The following DNMT3B variants were observed in gnomAD, a reference collection of about 807,000 sequenced individuals.
DNMT3B encodes DNA (cytosine-5)-methyltransferase 3B.
Under a neutral mutation model 120.2 loss-of-function variants are expected in DNMT3B, and 37 were observed. The observed-to-expected ratio is 0.31, with a 90% confidence interval of 0.24 to 0.40. DNMT3B has a LOEUF of 0.40. DNMT3B is among the 10% of genes least tolerant of loss of function. The pLI, the probability that DNMT3B is intolerant of heterozygous loss-of-function variation, is 1.00. For synonymous variants in DNMT3B, 412 were observed against 442.8 expected (o/e 0.93, Z 0.87); for missense variants, 878 against 1,137.3 (o/e 0.77, Z 3.28).
At chr20:32,800,044 G>A in intron 16 of DNMT3B, 109 bp from the exon 17 acceptor site, 3 of 1,493,200 alleles carry the variant, frequency 2.0e-6, no homozygotes, top group Non-Finnish European at 2.8e-6. Context: ...TTGAACGCAT[G>A]TGATACAGTC....
intron 16 of DNMT3B, 35 bp downstream of exon 16, chr20:32,799,363 G>A (rs772920666): frequency 1.6e-5 from 25 of 1,599,126 alleles, no homozygotes; most frequent in Middle Eastern, 1.6e-4. Flanking sequence ...CACTGCTATC[G>A]TGTCACAACA....
chr20:32,776,183 C>G (rs1251220498), intron 1 of DNMT3B, among the ~76,000 whole-genome samples: 1 of 151,280 alleles, frequency 6.6e-6, no homozygotes. Flanking sequence ...GAGCCGAGAT[C>G]GCGCCACTGC....
chr20:32,800,193 G>A lies in DNMT3B; in HGVS notation c.1800G>A (p.Lys600=), dbSNP rs780900853. The change falls in exon 17 of 23, where the codon AAG becomes AAA. Residue 600 remains lysine, a synonymous_variant. Transcript: ENST00000328111. Reference sequence around the variant, plus strand: ...AAGAGTTGGGCATAAAGGTAGGAAAGTACGTCGCTTCTGAAGTGTGTGAGG... The same window carrying A: ...AAGAGTTGGGCATAAAGGTAGGAAAATACGTCGCTTCTGAAGTGTGTGAGG... ...VLKELGIKVG[K]YVASEVCEES... 2.5e-6 allele frequency: 4 copies of A among 1,614,134 alleles called. No homozygotes were observed. Among genetic ancestry groups the A allele is most frequent in the Admixed American group, 1.7e-5 (1 of 60,004 alleles).
intron 4 of DNMT3B, 104 bp downstream of exon 4, chr20:32,784,963 G>C (rs1228352345): frequency 9.2e-7 from 1 of 1,088,658 alleles, no homozygotes; most frequent in Non-Finnish European, 1.4e-6. Context: ...GCTTTTAAGA[G>C]AAAGTGATGA....
rs1181946345 is a variant in DNMT3B at position 32,793,521 on chromosome 20, T to C, written c.1067-15T>C. ...GTAATGTTTTTTCTGTTTTGTTTTG[T>C]TTTCCCCTCAAAAGTGGTTAATAAG... On this transcript the variant is annotated splice_polypyrimidine_tract_variant and intron_variant, in intron 9 of 22. Transcript: ENST00000328111. 4 of 1,613,762 alleles carry C rather than the reference T, an allele frequency of 2.5e-6. No homozygotes were observed. In the Admixed American group the frequency reaches 6.7e-5, roughly 27 times the overall value.
rs1982227805 is a variant in DNMT3B, at chr20:32,808,804, C to T, written c.*901C>T. Reference sequence around the variant, plus strand: ...AGACACCCCCTCAAACCCATTCCCTCTCCAGGAGACCTACCCTCCACAGGC... The same window carrying T: ...AGACACCCCCTCAAACCCATTCCCTTTCCAGGAGACCTACCCTCCACAGGC... On this transcript the variant is annotated 3_prime_UTR_variant, in exon 23 of 23. Transcript: ENST00000328111. The T allele has an allele frequency of 4.4e-6, 1 of 228,476 alleles. No homozygotes were observed. The highest frequency in any genetic ancestry group is 8.7e-6 in the Non-Finnish European group (1 of 115,166). The allele number at this position is 228,476 out of a possible 1,614,324, so 14.2% of individuals were successfully genotyped here. A position where few individuals can be genotyped will look rare whatever the true frequency, so the allele number is the denominator to read the frequency against.
At position 32,791,693 on chromosome 20, in the gene DNMT3B, G is replaced by A; in HGVS notation, c.906G>A (p.Met302Ile). Residue 302 changes from methionine to isoleucine, a missense_variant, in exon 8 of 23, where the codon ATG (methionine) becomes ATA (isoleucine). By Grantham distance (10) the Met-to-Ile change is conservative (BLOSUM62 1). This residue lies in a region of DNMT3B where 207 missense variants were observed against 222.6 expected (regional missense o/e 0.93). Transcript: ENST00000328111. ...AGCTCGTCTCCTATCGAAAAGCCAT[G>A]TACCATGCTCTGGAGGTAACATGGG... ...FNKLVSYRKAMYHALEKARVR... is the reference protein window; with the variant it reads ...FNKLVSYRKAIYHALEKARVR... The A allele has an allele frequency of 1.2e-6, 2 of 1,614,032 alleles. No homozygotes were observed. The highest frequency in any genetic ancestry group is 1.7e-6 in the Non-Finnish European group (2 of 1,179,914).
chr20:32,781,443 G>T, intron 3 of DNMT3B, 29 bp downstream of exon 3: 3 of 1,613,618 alleles, frequency 1.9e-6, no homozygotes, highest in Non-Finnish European at 1.7e-6. Flanking sequence ...CTTTTTCAGG[G>T]CTCAGGGACT....
chr20:32,806,015 G>C (rs965501357), intron 21 of DNMT3B, among the ~76,000 whole-genome samples, 194 bp from the exon 22 acceptor site: 1 of 151,666 alleles, frequency 6.6e-6, no homozygotes, highest in Non-Finnish European at 1.5e-5. Context: ...TCTGCTTTTC[G>C]CTCCCTGCCC....
intron 5 of DNMT3B, 98 bp downstream of exon 5, chr20:32,786,725 G>T: frequency 2.5e-6 from 4 of 1,585,314 alleles, no homozygotes; most frequent in Non-Finnish European, 2.6e-6. Flanking sequence ...GATAATCTGT[G>T]TCCTTTTTTC....
chr20:32,765,771 T>C (rs1222732623), intron 1 of DNMT3B, among the ~76,000 whole-genome samples: 152 of 139,260 alleles, frequency 1.1e-3, no homozygotes, highest in Non-Finnish European at 2.0e-3. Context: ...TTTTTTTTTT[T>C]TTGAGACGGA....
rs78844299 is a variant in DNMT3B at position 32,791,791 on chromosome 20, C to A, written c.921+83C>A. ...CCCACAGAAACCTAGCTCAGTGTTGCCAAGGGTGGTTTGGAGGGGACAGGG... is the reference window on the plus strand; with the variant it reads ...CCCACAGAAACCTAGCTCAGTGTTGACAAGGGTGGTTTGGAGGGGACAGGG... On this transcript the variant is annotated intron_variant, in intron 8 of 22. Transcript: ENST00000328111. The A allele has an allele frequency of 1.9e-3, 2,850 of 1,511,376 alleles. 49 individuals are homozygous for A. In the African/African-American group the frequency reaches 0.035, roughly 18 times the overall value. 93.6% of individuals were successfully genotyped at this position (1,511,376 alleles called of 1,614,324 possible).
rs1022891063 is a variant in DNMT3B, at chr20:32,800,080, G to A, written c.1760-73G>A. ...ATGAGGAACTGTTCATTTTACCATAGCAGGGAGTGGAGGAAATGAGCTGCT... is the reference window on the plus strand; with the variant it reads ...ATGAGGAACTGTTCATTTTACCATAACAGGGAGTGGAGGAAATGAGCTGCT... On this transcript the variant is annotated intron_variant, in intron 16 of 22. Transcript: ENST00000328111. The A allele has an allele frequency of 3.1e-6, 5 of 1,597,680 alleles. No individual in the cohort carries two copies. The African/African-American group carries it at 5.4e-5, about 17-fold the overall frequency.
chr20:32,765,436 T>C (rs1277423093), intron 1 of DNMT3B, among the ~76,000 whole-genome samples: 1 of 150,702 alleles, frequency 6.6e-6, no homozygotes, highest in Non-Finnish European at 1.5e-5. Context: ...CTTTTTTTTT[T>C]TTTTGAGACA....
At chr20:32,805,227 C>A in intron 20 of DNMT3B, 111 bp from the exon 21 acceptor site, 1 of 1,326,270 alleles carries the variant, frequency 7.5e-7, no homozygotes, top group Non-Finnish European at 1.1e-6. Flanking sequence ...TATTTGTAGC[C>A]AAGTTCACTG....
chr20:32,773,590 G>T (rs1329131071), intron 1 of DNMT3B, among the ~76,000 whole-genome samples: 1 of 149,566 alleles, frequency 6.7e-6, no homozygotes, highest in African/African-American at 2.5e-5. Context: ...TTATAAAACT[G>T]GGGTTTGAGA....
At chr20:32,794,790 TATATTTTAC>T (rs1217242538) in intron 10 of DNMT3B, among the ~76,000 whole-genome samples, 1 of 152,280 alleles carries the variant, frequency 6.6e-6, no homozygotes, top group Non-Finnish European at 1.5e-5. Context: ...ACTTATTTTA[TATATTTTAC>T]ATATTACATA....
intron 21 of DNMT3B, 99 bp downstream of exon 21, chr20:32,805,506 C>A (rs187439521): frequency 2.4e-5 from 33 of 1,387,700 alleles, no homozygotes; most frequent in Non-Finnish European, 3.3e-5. Context: ...TACTCCTCCC[C>A]CCACGTGACT....
chr20:32,775,907 A>G (rs1461273345), intron 1 of DNMT3B, among the ~76,000 whole-genome samples: 2 of 152,136 alleles, frequency 1.3e-5, no homozygotes, highest in Non-Finnish European at 2.9e-5. Context: ...AGGCAGGGGG[A>G]TAATAAGACC....
Sources: gnomAD v4.1 joint callset for allele counts (sites outside exome capture counted in the v4.1 genomes callset) on GRCh38, gnomAD v4.1.1 for gene constraint, gnomAD v4.1.1 regional missense constraint, MANE v1.5 for transcripts, NCBI Gene and HGNC (gene_info 2026-07-23, HGNC 2026-07-21) for gene names.